NRXN1: variants seen among roughly 807,000 people sequenced by gnomAD.
NRXN1 encodes the protein neurexin 1.
Under a neutral mutation model 150.9 loss-of-function variants are expected in NRXN1, and 39 were observed. The observed-to-expected ratio is 0.26, with a 90% CI of 0.20 to 0.34. The LOEUF (loss-of-function observed/expected upper bound fraction) is 0.34. Ranked by LOEUF, NRXN1 falls within the 10% of genes least tolerant of loss-of-function variation. NRXN1 has a pLI of 1.00. For synonymous variants in NRXN1, 924 were observed against 757.0 expected (o/e 1.22, Z -3.62); for missense variants, 1,815 against 1,949.9 (o/e 0.93, Z 1.30).
At chr2:50,605,639 C>A (rs1039608476) in intron 8 of NRXN1, among the ~76,000 whole-genome samples, 2 of 152,050 alleles carry the variant, frequency 1.3e-5, no homozygotes, top group Non-Finnish European at 2.9e-5. Flanking sequence ...AAGAAAAAAA[C>A]AACAACTGTT....
At chr2:50,601,611 A>C (rs1488754711) in intron 8 of NRXN1, among the ~76,000 whole-genome samples, 2 of 152,202 alleles carry the variant, frequency 1.3e-5, no homozygotes, top group Non-Finnish European at 2.9e-5. Context: ...AAGAATCTGA[A>C]ATTTGAAATT....
chr2:50,523,193 C>T (rs1312468162), intron 12 of NRXN1, among the ~76,000 whole-genome samples: 2 of 151,814 alleles, frequency 1.3e-5, no homozygotes, highest in Non-Finnish European at 1.5e-5. Flanking sequence ...TCTTTTCATT[C>T]CCTTCACATA....
chr2:50,245,216 T>C (rs62133088), intron 17 of NRXN1, among the ~76,000 whole-genome samples: 21,635 of 151,864 alleles, frequency 0.14, 1,776 homozygotes, highest in African/African-American at 0.21. Context: ...TTCAAAGTCC[T>C]GGGAACTGCT....
At chr2:50,074,915 GTT>G (rs10596176) in intron 19 of NRXN1, among the ~76,000 whole-genome samples, 9,801 of 152,208 alleles carry the variant, frequency 0.064, 360 homozygotes, top group African/African-American at 0.087. Context: ...ATTATGCTTA[GTT>G]TATCAAGTTA....
chr2:50,691,054 A>G (rs999372784), intron 5 of NRXN1, among the ~76,000 whole-genome samples: 10 of 152,188 alleles, frequency 6.6e-5, no homozygotes, highest in African/African-American at 2.2e-4. Flanking sequence ...GTAATACTCC[A>G]AAAGTTAATG....
At chr2:50,392,296 G>A (rs2081767386) in intron 17 of NRXN1, among the ~76,000 whole-genome samples, 1 of 152,040 alleles carries the variant, frequency 6.6e-6, no homozygotes, top group South Asian at 2.1e-4. Context: ...TTCCCATAGC[G>A]ACCTCCTTTG....
intron 17 of NRXN1, among the ~76,000 whole-genome samples, chr2:50,432,641 G>A (rs1292544208): frequency 6.6e-6 from 1 of 152,132 alleles, no homozygotes; most frequent in Non-Finnish European, 1.5e-5. Flanking sequence ...CTTGAGACAG[G>A]AGAGTTTTTA....
intron 17 of NRXN1, among the ~76,000 whole-genome samples, chr2:50,275,884 G>C (rs896666049): frequency 6.6e-6 from 1 of 151,272 alleles, no homozygotes; most frequent in South Asian, 2.1e-4. Context: ...AGTGTCAAAA[G>C]CCATGTTTGT....
At position 50,851,983 on chromosome 2, in the gene NRXN1, G is replaced by A. The variant is rs572550672; in HGVS notation, c.832+69886C>T. Among the ~76,000 whole-genome samples, 18 of 152,278 alleles carry A rather than the reference G, an allele frequency of 1.2e-4. No homozygotes were observed. The South Asian group carries it at 1.7e-3, about 14-fold the overall frequency. On this transcript the variant is annotated intron_variant, in intron 5 of 22. Coordinates refer to ENST00000401669, the MANE Select transcript of NRXN1 (RefSeq NM_001330078.2). ...AACAATAGAAAACACTCCAAAGGACGCGAATGTCTTTTTAGCCACAGAAAA... is the reference window on the plus strand; with the variant it reads ...AACAATAGAAAACACTCCAAAGGACACGAATGTCTTTTTAGCCACAGAAAA...
chr2:50,583,143 T>C (rs1672556614), intron 8 of NRXN1, among the ~76,000 whole-genome samples: 1 of 151,840 alleles, frequency 6.6e-6, no homozygotes, highest in Non-Finnish European at 1.5e-5. Context: ...CTCAAACTCC[T>C]AGGTTCAAGC....
intron 2 of NRXN1, among the ~76,000 whole-genome samples, chr2:50,993,240 T>C (rs1698801426): frequency 6.6e-6 from 1 of 151,986 alleles, no homozygotes; most frequent in African/African-American, 2.4e-5. Context: ...TAATAGACGA[T>C]AATCTAAGTC....
intron 17 of NRXN1, among the ~76,000 whole-genome samples, chr2:50,268,762 G>A (rs1454981690): frequency 6.6e-6 from 1 of 152,142 alleles, no homozygotes; most frequent in Non-Finnish European, 1.5e-5. Flanking sequence ...TTAATCTCCA[G>A]AGCTCCTTGT....
chr2:50,201,787 T>G (rs960786980), intron 18 of NRXN1, among the ~76,000 whole-genome samples: 1 of 152,202 alleles, frequency 6.6e-6, no homozygotes, highest in African/African-American at 2.4e-5. Context: ...ACCAAGTTTC[T>G]GACCCTGGCT....
chr2:50,014,641 T>G (rs1222996296), intron 21 of NRXN1, among the ~76,000 whole-genome samples: 1 of 152,172 alleles, frequency 6.6e-6, no homozygotes. Context: ...TAAATTTCAT[T>G]AATTCTTTTT....
chr2:50,009,773 C>T, intron 21 of NRXN1, among the ~76,000 whole-genome samples: 1 of 152,104 alleles, frequency 6.6e-6, no homozygotes, highest in African/African-American at 2.4e-5. Flanking sequence ...AAAGTATTCA[C>T]CAGAGTAGCT....
rs895269184 is a variant in NRXN1, at chr2:50,224,366, A to T, written c.3546+12423T>A. ...CTGAGATAAAATTCATACCTCAATGAATTATTGTGAATATTTAATAAAATC... is the reference window on the plus strand; with the variant it reads ...CTGAGATAAAATTCATACCTCAATGTATTATTGTGAATATTTAATAAAATC... On this transcript the variant is annotated intron_variant, in intron 18 of 22. Transcript: ENST00000401669. Among the ~76,000 whole-genome samples, 27 of 151,958 alleles carry T rather than the reference A, an allele frequency of 1.8e-4. 1 individual carries two copies. The highest frequency in any genetic ancestry group is 1.6e-3 in the Admixed American group (24 of 15,208).
intron 18 of NRXN1, among the ~76,000 whole-genome samples, chr2:50,131,198 A>G (rs1181888363): frequency 3.9e-5 from 6 of 152,312 alleles, no homozygotes; most frequent in Admixed American, 3.9e-4. Context: ...GTTCATTATT[A>G]ATCTTCAAGA....
chr2:50,583,882 T>C (rs916486108), intron 8 of NRXN1, among the ~76,000 whole-genome samples: 1 of 152,188 alleles, frequency 6.6e-6, no homozygotes, highest in African/African-American at 2.4e-5. Context: ...AAGTATCTCT[T>C]CCACTGTATC....
intron 12 of NRXN1, chr2:50,506,860 T>C (rs2092250991): frequency 4.2e-6 from 2 of 472,048 alleles, no homozygotes; most frequent in Admixed American, 7.0e-5. Flanking sequence ...AACATTCAGG[T>C]GTGACCATTT....
Sources: allele counts gnomAD v4.1 joint callset (sites outside exome capture counted in the v4.1 genomes callset), GRCh38; gene constraint gnomAD v4.1.1; transcripts MANE v1.5; gene names NCBI Gene and HGNC (gene_info 2026-07-23, HGNC 2026-07-21).